The following CNIH3 variants were observed in gnomAD, a reference collection of about 807,000 sequenced individuals.
The protein encoded by CNIH3 is cornichon family AMPA receptor auxiliary protein 3.
A neutral mutation model predicts 24.1 loss-of-function variants in CNIH3; 14 were observed. The observed-to-expected ratio is 0.58, with a 90% CI of 0.38 to 0.91. The LOEUF is 0.91. CNIH3 is among the 40% of genes least tolerant of loss of function. The probability of loss-of-function intolerance (pLI) is 0.00; values close to 1 mark genes in which losing one functional copy is unlikely to be tolerated. For synonymous variants in CNIH3, 68 were observed against 73.8 expected, an observed-to-expected ratio of 0.92 and a Z score of 0.40; for missense variants, 178 against 196.8, an observed-to-expected ratio of 0.90 and a Z score of 0.57.
At position 224,523,188 on chromosome 1, in the gene CNIH3, A is replaced by G. The variant is rs572043101; in HGVS notation, n.343+1861A>G. Among the ~76,000 whole-genome samples the G allele has an allele frequency of 2.6e-4, 40 of 152,150 alleles. 2 individuals are homozygous for G. The South Asian group carries it at 8.3e-3, about 32-fold the overall frequency. Reference sequence around the variant, plus strand: ...CAGGAGTTCAAGGTTATAGTGAGCTATGATTGGGCCACTGCACTCCAGCCT... The same window carrying G: ...CAGGAGTTCAAGGTTATAGTGAGCTGTGATTGGGCCACTGCACTCCAGCCT... On this transcript the variant is annotated intron_variant and non_coding_transcript_variant, in intron 2 of 2. Transcript: ENST00000470602.
At chr1:224,434,834 C>G in exon 1 of CNIH3, 1 of 985,862 alleles carries the variant, frequency 1.0e-6, no homozygotes, top group South Asian at 4.7e-5. Context: ...AATGCCTATA[C>G]TGCCCTCCTC....
chr1:224,519,111 A>T (rs1014040705), intron 1 of CNIH3, among the ~76,000 whole-genome samples: 4 of 152,254 alleles, frequency 2.6e-5, no homozygotes, highest in Non-Finnish European at 5.9e-5. Context: ...AATAAATGGC[A>T]GTTACTACTA....
chr1:224,705,746 C>T (rs1435507337), intron 3 of CNIH3, among the ~76,000 whole-genome samples: 6 of 152,146 alleles, frequency 3.9e-5, no homozygotes, highest in Non-Finnish European at 8.8e-5. Context: ...TAGTACCCTG[C>T]TCCAGCCACA....
At chr1:224,468,697 T>C (rs867198259) in intron 1 of CNIH3, among the ~76,000 whole-genome samples, 78 of 152,186 alleles carry the variant, frequency 5.1e-4, no homozygotes, top group African/African-American at 1.7e-3. Flanking sequence ...ATAAGAATGA[T>C]GAGAGTACGT....
intron 1 of CNIH3, among the ~76,000 whole-genome samples, chr1:224,498,294 G>C (rs1677515113): frequency 1.3e-5 from 2 of 152,208 alleles, no homozygotes; most frequent in East Asian, 3.8e-4. Context: ...AAGCAGCAGT[G>C]ATGGTGGTGG....
chr1:224,718,580 C>G (rs537258787), intron 3 of CNIH3, among the ~76,000 whole-genome samples: 3 of 152,194 alleles, frequency 2.0e-5, no homozygotes, highest in African/African-American at 7.2e-5. Flanking sequence ...ACTTTGCCTA[C>G]TGGTGAAAAA....
downstream of CNIH3, among the ~76,000 whole-genome samples, chr1:224,589,864 C>T (rs1261386990): frequency 6.6e-6 from 1 of 152,044 alleles, no homozygotes; most frequent in Non-Finnish European, 1.5e-5. Flanking sequence ...TGAGAGTTAC[C>T]AGTTCATCAG....
intron 3 of CNIH3, among the ~76,000 whole-genome samples, chr1:224,597,375 A>G (rs6662556): frequency 0.026 from 3,966 of 152,258 alleles, 176 homozygotes; most frequent in African/African-American, 0.09. Context: ...AGGGGTCCCA[A>G]ACCCTGGAGG....
intron 1 of CNIH3, among the ~76,000 whole-genome samples, chr1:224,646,041 TC>T (rs1684589588): frequency 6.6e-6 from 1 of 152,184 alleles, no homozygotes; most frequent in Non-Finnish European, 1.5e-5. Context: ...CACCCATTGA[TC>T]AGTCACAGCA....
intron 1 of CNIH3, among the ~76,000 whole-genome samples, chr1:224,665,842 G>T (rs1446863985): frequency 1.4e-5 from 2 of 137,954 alleles, no homozygotes; most frequent in African/African-American, 5.3e-5. Flanking sequence ...TTAGTGATAA[G>T]CCCAAGGATT....
At chr1:224,675,795 A>C (rs1469600794) in intron 1 of CNIH3, among the ~76,000 whole-genome samples, 1 of 152,218 alleles carries the variant, frequency 6.6e-6, no homozygotes, top group Non-Finnish European at 1.5e-5. Context: ...TACTGAAATG[A>C]CTAAAAAACC....
Position 224,439,588 on chromosome 1 carries a change from C to T in CNIH3, n.203+4726C>T, listed in dbSNP as rs1229465766. ...ACTCAGCTATGGGTACAAAGATAGT[C>T]ACTGAAACATTATTATTTACTTTTA... is the stretch of plus-strand genomic sequence containing the variant. On this transcript the variant is annotated intron_variant and non_coding_transcript_variant, in intron 1 of 5. Transcript: ENST00000471578. 2.0e-5 allele frequency among the ~76,000 whole-genome samples: 3 copies of T among 151,798 alleles called. No homozygotes were observed. The East Asian group carries it at 5.8e-4, about 29-fold the overall frequency.
intron 1 of CNIH3, among the ~76,000 whole-genome samples, chr1:224,646,399 G>A (rs1684609229): frequency 6.6e-6 from 1 of 152,160 alleles, no homozygotes; most frequent in Non-Finnish European, 1.5e-5. Flanking sequence ...CAAGCATGTT[G>A]TTTGTTTGTT....
intron 1 of CNIH3, among the ~76,000 whole-genome samples, chr1:224,506,063 T>C (rs751139786): frequency 1.3e-5 from 2 of 152,240 alleles, no homozygotes; most frequent in Non-Finnish European, 2.9e-5. Context: ...CTTTTTATTT[T>C]AAGGAATCTT....
intron 3 of CNIH3, among the ~76,000 whole-genome samples, chr1:224,551,839 G>C (rs191353350): frequency 6.7e-6 from 1 of 149,932 alleles, no homozygotes; most frequent in Non-Finnish European, 1.5e-5. Flanking sequence ...GATTACACAG[G>C]GGGTGTACTC....
chr1:224,709,531 G>A (rs1269951943), intron 3 of CNIH3, among the ~76,000 whole-genome samples: 1 of 152,328 alleles, frequency 6.6e-6, no homozygotes, highest in Admixed American at 6.5e-5. Context: ...GAGTATTGAA[G>A]AGGGGTGGGC....
chr1:224,506,285 G>GTGCACA (rs150433630), intron 1 of CNIH3, among the ~76,000 whole-genome samples: 1 of 143,616 alleles, frequency 7.0e-6, no homozygotes, highest in African/African-American at 2.7e-5. Context: ...GCGCGCGCGC[G>GTGCACA]CGCACACACA....
At chr1:224,499,679 G>A (rs1246019442) in intron 1 of CNIH3, among the ~76,000 whole-genome samples, 5 of 151,826 alleles carry the variant, frequency 3.3e-5, no homozygotes, top group Non-Finnish European at 7.4e-5. Context: ...TCTCTATTTC[G>A]GGTCATTTTT....
chr1:224,484,725 T>C (rs1676960326), intron 1 of CNIH3, among the ~76,000 whole-genome samples: 4 of 152,236 alleles, frequency 2.6e-5, no homozygotes, highest in Admixed American at 2.6e-4. Context: ...TTTGTGTTGA[T>C]GTCTTCAAGT....
Sources: gnomAD v4.1 joint callset for allele counts (sites outside exome capture counted in the v4.1 genomes callset) on GRCh38, gnomAD v4.1.1 for gene constraint, MANE v1.5 for transcripts, NCBI Gene and HGNC (gene_info 2026-07-23, HGNC 2026-07-21) for gene names.